AK9: variants seen among roughly 807,000 people sequenced by gnomAD.
AK9 encodes the protein adenylate kinase 9, also known as adenylate kinase domain containing 1.
Under a neutral mutation model 239.6 loss-of-function variants are expected in AK9, and 191 were observed. That is an observed-to-expected ratio of 0.80 (90% CI 0.71 to 0.90). AK9 has a LOEUF of 0.90. Among genes scored for constraint, AK9 ranks in the 40% least tolerant of loss-of-function variants. The probability of loss-of-function intolerance (pLI) is 0.00; values close to 1 mark genes in which losing one functional copy is unlikely to be tolerated. For synonymous variants in AK9, 689 were observed against 721.0 expected (o/e 0.96, Z 0.71); for missense variants, 1,995 against 2,214.7 (o/e 0.90, Z 1.99).
At chr6:109,530,558 T>C (rs917668327) in intron 28 of AK9, among the ~76,000 whole-genome samples, 5 of 152,148 alleles carry the variant, frequency 3.3e-5, no homozygotes, top group African/African-American at 4.8e-5. Flanking sequence ...TACCAAAAAA[T>C]TGCAAACTAT....
At chr6:109,653,278 A>G (rs1192751127) in intron 8 of AK9, among the ~76,000 whole-genome samples, 1 of 152,144 alleles carries the variant, frequency 6.6e-6, no homozygotes, top group Non-Finnish European at 1.5e-5. Flanking sequence ...GTTTTTCCAA[A>G]GGTGGTGGCA....
At chr6:109,576,212 T>A (rs1322027318) in intron 20 of AK9, among the ~76,000 whole-genome samples, 1 of 152,028 alleles carries the variant, frequency 6.6e-6, no homozygotes, top group Admixed American at 6.6e-5. Context: ...TGAAGAATAA[T>A]GATGGTATTT....
chr6:109,523,869 A>G (rs114860889), intron 29 of AK9, among the ~76,000 whole-genome samples: 1,734 of 152,290 alleles, frequency 0.011, 31 homozygotes, highest in African/African-American at 0.039. Context: ...AGTTTATCTT[A>G]CCAAGTTAAT....
intron 1 of AK9, among the ~76,000 whole-genome samples, chr6:109,689,367 T>G (rs1296257701): frequency 6.6e-6 from 1 of 152,328 alleles, no homozygotes; most frequent in East Asian, 1.9e-4. Flanking sequence ...ACCTTTTCTA[T>G]GCACGACCAG....
chr6:109,542,212 C>T lies in AK9; in HGVS notation c.3226-41G>A, dbSNP rs757496224. 4 of 1,536,076 alleles carry T rather than the reference C, an allele frequency of 2.6e-6. No homozygotes were observed. In the East Asian group the frequency reaches 6.9e-5, roughly 27 times the overall value. On this transcript the variant is annotated intron_variant, in intron 26 of 40. Coordinates refer to ENST00000424296, the MANE Select transcript of AK9 (RefSeq NM_001145128.3). ...AGAAAACAAAACAAGTTTTAAAACT[C>T]TATGCTAATAATTGCATGTTCTCAC...
intron 7 of AK9, 91 bp from the exon 8 acceptor site, chr6:109,656,975 A>C: frequency 4.5e-5 from 65 of 1,451,058 alleles, no homozygotes; most frequent in Non-Finnish European, 5.5e-5. Context: ...CCTAGATATC[A>C]TTTTGGGGTG....
At chr6:109,674,914 A>G (rs1188732808) in intron 2 of AK9, among the ~76,000 whole-genome samples, 1 of 152,190 alleles carries the variant, frequency 6.6e-6, no homozygotes, top group Non-Finnish European at 1.5e-5. Context: ...AGGCTCTTTA[A>G]TCAACCAGCT....
intron 24 of AK9, among the ~76,000 whole-genome samples, chr6:109,556,312 C>T (rs1356860591): frequency 1.3e-5 from 2 of 152,106 alleles, no homozygotes; most frequent in Non-Finnish European, 2.9e-5. Context: ...GTTGAAAATT[C>T]TTTAAGAATG....
chr6:109,663,683 T>C (rs1800770989), intron 5 of AK9, among the ~76,000 whole-genome samples: 1 of 152,248 alleles, frequency 6.6e-6, no homozygotes, highest in Non-Finnish European at 1.5e-5. Context: ...ATTTTCCAAA[T>C]GACCAATGCA....
chr6:109,566,516 A>G (rs1786539488), intron 21 of AK9, among the ~76,000 whole-genome samples: 2 of 152,206 alleles, frequency 1.3e-5, no homozygotes, highest in African/African-American at 4.8e-5. Context: ...TATGAAATAA[A>G]AATCACGAGG....
At chr6:109,584,202 C>T (rs1256264492) in intron 19 of AK9, among the ~76,000 whole-genome samples, 1 of 152,092 alleles carries the variant, frequency 6.6e-6, no homozygotes, top group African/African-American at 2.4e-5. Context: ...CTCTGGCACA[C>T]ATATCAGTTA....
Position 109,585,685 on chromosome 6 carries a change from C to T in AK9, c.1999+231G>A, listed in dbSNP as rs563972235. Among the ~76,000 whole-genome samples, 4 of 152,200 alleles carry T rather than the reference C, an allele frequency of 2.6e-5. No individual in the cohort carries two copies. The South Asian group carries it at 8.3e-4, about 32-fold the overall frequency. On this transcript the variant is annotated intron_variant, in intron 18 of 40. Transcript: ENST00000424296. ...GTGTGTGTGCGTGCTAAACTGTAAGCTTTAAAGAAAAATTACAACGGCCAG... is the reference window on the plus strand; with the variant it reads ...GTGTGTGTGCGTGCTAAACTGTAAGTTTTAAAGAAAAATTACAACGGCCAG...
rs1782983864 is a variant in AK9 at position 109,542,174 on chromosome 6, AAAAACAAAAATCAG to A, written c.3226-17_3226-4del. ...TCTGTAAGTTGTACTTCTGGAAGCT[AAAAACAAAAATCAG>A]AAAACAAAACAAGTTTTAAAACTCT... is the stretch of plus-strand genomic sequence containing the variant. On this transcript the variant is annotated splice_region_variant and splice_polypyrimidine_tract_variant and intron_variant, in intron 26 of 40. Transcript: ENST00000424296. The A allele has an allele frequency of 6.3e-7, 1 of 1,581,208 alleles. No individual in the cohort carries two copies. The highest frequency in any genetic ancestry group is 8.6e-7 in the Non-Finnish European group (1 of 1,168,062).
intron 27 of AK9, among the ~76,000 whole-genome samples, chr6:109,540,271 G>A (rs115150164): frequency 0.015 from 2,246 of 152,250 alleles, 58 homozygotes; most frequent in African/African-American, 0.052. Context: ...CTTCCTGGCC[G>A]CTTTGTTTAC....
chr6:109,596,289 C>G (rs967941474), intron 17 of AK9, among the ~76,000 whole-genome samples: 3 of 152,184 alleles, frequency 2.0e-5, no homozygotes, highest in Non-Finnish European at 4.4e-5. Context: ...ACCTACATGT[C>G]TTCCAATGGC....
At chr6:109,610,947 A>C (rs1395811602) in intron 16 of AK9, among the ~76,000 whole-genome samples, 1 of 152,176 alleles carries the variant, frequency 6.6e-6, no homozygotes, top group Non-Finnish European at 1.5e-5. Context: ...GAGGGGATGG[A>C]GAAAAGGTGG....
At chr6:109,637,675 C>T (rs1290469242) in intron 10 of AK9, among the ~76,000 whole-genome samples, 1 of 152,098 alleles carries the variant, frequency 6.6e-6, no homozygotes, top group Admixed American at 6.5e-5. Context: ...CTAGATGACC[C>T]CATTTTGCAG....
At chr6:109,679,504 G>A (rs1772309188) in intron 1 of AK9, among the ~76,000 whole-genome samples, 1 of 152,124 alleles carries the variant, frequency 6.6e-6, no homozygotes, top group African/African-American at 2.4e-5. Flanking sequence ...AGCACCTGGG[G>A]GAAGGGGTGG....
intron 17 of AK9, among the ~76,000 whole-genome samples, chr6:109,609,620 T>C (rs1177898199): frequency 6.6e-6 from 1 of 152,202 alleles, no homozygotes; most frequent in Non-Finnish European, 1.5e-5. Flanking sequence ...TCAGAGAGGC[T>C]GGTAGAGCTG....
Sources: gnomAD v4.1 joint callset for allele counts (sites outside exome capture counted in the v4.1 genomes callset) on GRCh38, gnomAD v4.1.1 for gene constraint, MANE v1.5 for transcripts, NCBI Gene and HGNC (gene_info 2026-07-23, HGNC 2026-07-21) for gene names.